Variants in ITSN2 observed in about 807,000 individuals in gnomAD.
ITSN2 encodes intersectin 2, also known as intersectin-2.
Under a neutral mutation model 243.7 loss-of-function variants are expected in ITSN2, and 156 were observed. The observed-to-expected ratio is 0.64, with a 90% confidence interval of 0.56 to 0.73. The LOEUF (loss-of-function observed/expected upper bound fraction) is 0.73, where lower values mean the gene tolerates loss of function less well. Ranked by LOEUF, ITSN2 falls within the 30% of genes least tolerant of loss-of-function variation. The pLI is 0.00. For synonymous variants in ITSN2, 703 were observed against 699.9 expected, an observed-to-expected ratio of 1.00 and a Z score of -0.07; for missense variants, 1,801 against 1,996.1, an observed-to-expected ratio of 0.90 and a Z score of 1.86.
chr2:24,275,938 A>C, intron 17 of ITSN2, 89 bp from the exon 18 acceptor site: 1 of 946,560 alleles, frequency 1.1e-6, no homozygotes, highest in Non-Finnish European at 1.5e-6. Context: ...TAAAAGATAA[A>C]AATCCTATAG....
At chr2:24,349,131 CATT>C (rs1426203818) in intron 1 of ITSN2, among the ~76,000 whole-genome samples, 8 of 152,172 alleles carry the variant, frequency 5.3e-5, no homozygotes, top group East Asian at 1.9e-4. Flanking sequence ...TCATCATCAT[CATT>C]ATCATCATCA....
chr2:24,210,046 G>A lies in ITSN2; in HGVS notation c.4258-13C>T, dbSNP rs1573859644. The stretch of plus-strand genomic sequence containing the variant: ...TGAAAATAAGTTGCTTAAAGAGAAA[G>A]AAAATTTCACTTTTTAAATCCCGGC... On this transcript the variant is annotated splice_polypyrimidine_tract_variant and intron_variant, in intron 34 of 39. Coordinates refer to ENST00000355123, the MANE Select transcript of ITSN2 (RefSeq NM_006277.3). 2 of 1,598,918 alleles carry A rather than the reference G, an allele frequency of 1.3e-6. No individual in the cohort carries two copies. Among genetic ancestry groups the A allele is most frequent in the East Asian group, 4.5e-5 (2 of 44,804 alleles).
chr2:24,336,110 C>T (rs956608877), intron 1 of ITSN2, among the ~76,000 whole-genome samples: 3 of 151,590 alleles, frequency 2.0e-5, no homozygotes, highest in Non-Finnish European at 2.9e-5. Flanking sequence ...GGCATGGTGG[C>T]GGGCACCTGT....
intron 29 of ITSN2, among the ~76,000 whole-genome samples, chr2:24,228,154 A>G (rs1377614031): frequency 6.6e-6 from 1 of 152,220 alleles, no homozygotes; most frequent in East Asian, 1.9e-4. Flanking sequence ...ATGATTAAAC[A>G]GTCAGAAAGA....
intron 13 of ITSN2, 28 bp from the exon 14 acceptor site, chr2:24,295,832 T>C: frequency 7.0e-7 from 1 of 1,425,862 alleles, no homozygotes; most frequent in Non-Finnish European, 9.4e-7. Flanking sequence ...AAATATATAG[T>C]AACATAAAAT....
intron 31 of ITSN2, among the ~76,000 whole-genome samples, chr2:24,216,659 T>C (rs1380100328): frequency 6.6e-6 from 1 of 151,376 alleles, no homozygotes; most frequent in African/African-American, 2.4e-5. Context: ...GAGGCTGAGG[T>C]AGGAGGATTG....
rs896564160 is a variant in ITSN2 at position 24,355,169 on chromosome 2, A to G, written c.-34+5135T>C. On this transcript the variant is annotated intron_variant, in intron 1 of 39. Coordinates refer to ENST00000355123, the MANE Select transcript of ITSN2 (RefSeq NM_006277.3). ...ACACTTTACCCAAGAGAACTCTAACATTAGTTTCTGCGCTCCACAGCTGTA... is the reference window on the plus strand; with the variant it reads ...ACACTTTACCCAAGAGAACTCTAACGTTAGTTTCTGCGCTCCACAGCTGTA... Among the ~76,000 whole-genome samples, 5 of 152,218 alleles carry G rather than the reference A, an allele frequency of 3.3e-5. No homozygotes were observed. In the East Asian group the frequency reaches 9.6e-4, roughly 29 times the overall value.
chr2:24,229,387 G>A (rs929978092), intron 29 of ITSN2, among the ~76,000 whole-genome samples: 6 of 152,226 alleles, frequency 3.9e-5, no homozygotes, highest in African/African-American at 9.6e-5. Flanking sequence ...TCAGGAGTTC[G>A]AGCCCAGCCT....
At chr2:24,303,152 A>G (rs913013807) in intron 9 of ITSN2, among the ~76,000 whole-genome samples, 1 of 152,190 alleles carries the variant, frequency 6.6e-6, no homozygotes, top group Non-Finnish European at 1.5e-5. Context: ...ATTTTAGAGT[A>G]TACTCCTTCT....
intron 1 of ITSN2, among the ~76,000 whole-genome samples, chr2:24,336,319 A>C (rs960036103): frequency 6.6e-6 from 1 of 152,016 alleles, no homozygotes; most frequent in African/African-American, 2.4e-5. Flanking sequence ...TACATTATGA[A>C]TAGAACCTAA....
intron 7 of ITSN2, among the ~76,000 whole-genome samples, chr2:24,309,636 T>C (rs1452960348): frequency 6.6e-6 from 1 of 152,206 alleles, no homozygotes. Context: ...TGCCAGACCT[T>C]ATATTGTACT....
chr2:24,292,006 G>A (rs1574178499), intron 15 of ITSN2, among the ~76,000 whole-genome samples: 1 of 152,106 alleles, frequency 6.6e-6, no homozygotes. Flanking sequence ...GTTTTCCTGA[G>A]CTCACAATGG....
intron 2 of ITSN2, among the ~76,000 whole-genome samples, chr2:24,322,888 CT>C (rs1684747844): frequency 6.6e-6 from 1 of 151,630 alleles, no homozygotes; most frequent in Non-Finnish European, 1.5e-5. Flanking sequence ...AATCCCCCCC[CT>C]CAAAAAAAAG....
At chr2:24,277,186 G>A (rs1304180233) in intron 17 of ITSN2, among the ~76,000 whole-genome samples, 7 of 152,082 alleles carry the variant, frequency 4.6e-5, no homozygotes, top group African/African-American at 1.7e-4. Flanking sequence ...GAGGCTGGAG[G>A]AAAGAAGTGG....
chr2:24,352,023 G>C (rs188032184), intron 1 of ITSN2, among the ~76,000 whole-genome samples: 1 of 152,226 alleles, frequency 6.6e-6, no homozygotes. Flanking sequence ...ACAGTATATT[G>C]TTATAATTGT....
intron 29 of ITSN2, among the ~76,000 whole-genome samples, chr2:24,237,414 C>A (rs1391978601): frequency 3.0e-4 from 2 of 6,676 alleles, no homozygotes. Context: ...CCCTTAACTG[C>A]TGATCTTCTA....
chr2:24,245,411 A>T (rs1287174203), intron 29 of ITSN2, among the ~76,000 whole-genome samples: 2 of 152,212 alleles, frequency 1.3e-5, no homozygotes, highest in Non-Finnish European at 2.9e-5. Context: ...AGAAGGTTAG[A>T]AATGTAATGG....
At chr2:24,327,641 C>T (rs765443113) in intron 2 of ITSN2, among the ~76,000 whole-genome samples, 1 of 152,064 alleles carries the variant, frequency 6.6e-6, no homozygotes, top group African/African-American at 2.4e-5. Context: ...ATTATGTATG[C>T]AGGCATACAT....
chr2:24,220,010 T>C (rs1670295830), intron 30 of ITSN2, among the ~76,000 whole-genome samples: 2 of 152,090 alleles, frequency 1.3e-5, no homozygotes, highest in Non-Finnish European at 2.9e-5. Context: ...AAGATAGATA[T>C]CACCAACCGA....
Sources: allele counts gnomAD v4.1 joint callset (sites outside exome capture counted in the v4.1 genomes callset), GRCh38; gene constraint gnomAD v4.1.1; transcripts MANE v1.5; gene names NCBI Gene and HGNC (gene_info 2026-07-23, HGNC 2026-07-21).